ANXA13: variants seen among roughly 807,000 people sequenced by gnomAD.
ANXA13 encodes the protein annexin XIII.
In ANXA13, 36 loss-of-function variants were observed where a neutral mutation model predicts 46.6. The ratio of observed to expected loss-of-function variants is 0.77; its 90% CI spans 0.59 to 1.02. The LOEUF (loss-of-function observed/expected upper bound fraction) is 1.02. Among genes scored for constraint, ANXA13 ranks in the 50% least tolerant of loss-of-function variants. The pLI is 0.00. For missense variants in ANXA13, 417 were observed against 396.5 expected, an observed-to-expected ratio of 1.05 and a Z score of -0.44; for synonymous variants, 163 against 152.9, an observed-to-expected ratio of 1.07 and a Z score of -0.49.
At chr8:123,684,765 T>C in intron 9 of ANXA13, 43 bp from the exon 10 acceptor site, 2 of 1,472,066 alleles carry the variant, frequency 1.4e-6, no homozygotes, top group Non-Finnish European at 1.9e-6. Flanking sequence ...CTTTCACGTT[T>C]TGTGGAATGA....
At position 123,724,521 on chromosome 8, in the gene ANXA13, G is replaced by A. The variant is rs184230985; in HGVS notation, c.16-11768C>T. ...TAGAAACTTCCGCTGTTGATATCCC[G>A]GTAAAGGAGGAAGACAACTTAGAAA... On this transcript the variant is annotated intron_variant, in intron 1 of 10. Coordinates refer to ENST00000419625, the MANE Select transcript of ANXA13 (RefSeq NM_004306.4). Among the ~76,000 whole-genome samples the A allele has an allele frequency of 3.4e-3, 510 of 152,238 alleles. 2 individuals are homozygous for A. The highest frequency in any genetic ancestry group is 5.3e-3 in the Non-Finnish European group (359 of 68,020).
At position 123,710,566 on chromosome 8, in the gene ANXA13, A is replaced by G. The variant is rs1353521349; in HGVS notation, c.91+2112T>C. Among the ~76,000 whole-genome samples the G allele has an allele frequency of 2.6e-5, 4 of 152,164 alleles. No homozygotes were observed. The East Asian group carries it at 7.7e-4, about 29-fold the overall frequency. On this transcript the variant is annotated intron_variant, in intron 2 of 10. Transcript: ENST00000419625. ...CTGTGGACTGACATGGCTCCTACCT[A>G]TTGTTAATGACACTGAGCAATGTCT...
At chr8:123,719,375 G>C (rs1224053186) in intron 1 of ANXA13, among the ~76,000 whole-genome samples, 1 of 151,274 alleles carries the variant, frequency 6.6e-6, no homozygotes, top group East Asian at 1.9e-4. Context: ...TATCTTCCTT[G>C]AACAAACAAG....
At chr8:123,705,169 G>A (rs1358940421) in intron 2 of ANXA13, among the ~76,000 whole-genome samples, 1 of 152,152 alleles carries the variant, frequency 6.6e-6, no homozygotes, top group Admixed American at 6.5e-5. Context: ...AGTCCTGCCT[G>A]TCTCACCTAT....
At position 123,690,970 on chromosome 8, in the gene ANXA13, G is replaced by C. The variant is rs1033346016; in HGVS notation, c.643-2024C>G. 3.9e-5 allele frequency among the ~76,000 whole-genome samples: 6 copies of C among 152,210 alleles called. No homozygotes were observed. The highest frequency in any genetic ancestry group is 8.8e-5 in the Non-Finnish European group (6 of 68,036). ...TATGCATACCTACTGTTTATGCTGA[G>C]CCCTGTTTGGGGACTTTACTTTGGT... On this transcript the variant is annotated intron_variant, in intron 8 of 10. Coordinates refer to ENST00000419625, the MANE Select transcript of ANXA13 (RefSeq NM_004306.4). This position sits in a 1 kb window ranked among gnomAD's most constrained non-coding sequence, Gnocchi z 4.6.
chr8:123,688,844 A>G (rs374587973), intron 9 of ANXA13, 27 bp downstream of exon 9: 13 of 1,608,766 alleles, frequency 8.1e-6, no homozygotes, highest in Non-Finnish European at 1.1e-5. Context: ...CCAACCTAAG[A>G]CAGGAGCTCT....
intron 1 of ANXA13, chr8:123,735,854 T>C (rs1192521859): frequency 1.2e-6 from 2 of 1,611,348 alleles, no homozygotes; most frequent in Non-Finnish European, 1.7e-6. Context: ...GTTGACTGCC[T>C]TCTGAGAGGG....
intron 1 of ANXA13, among the ~76,000 whole-genome samples, chr8:123,714,138 C>A (rs997721717): frequency 2.0e-5 from 3 of 152,182 alleles, no homozygotes; most frequent in Non-Finnish European, 4.4e-5. Context: ...GGGTATGTTG[C>A]CTTTCTCTGC....
At chr8:123,687,951 C>T (rs1563604775) in intron 9 of ANXA13, among the ~76,000 whole-genome samples, 1 of 152,208 alleles carries the variant, frequency 6.6e-6, no homozygotes, top group Non-Finnish European at 1.5e-5. Context: ...ATCTCCCTCA[C>T]CTCTCTTTCC....
intron 3 of ANXA13, among the ~76,000 whole-genome samples, chr8:123,700,849 G>C (rs1308287704): frequency 3.4e-5 from 5 of 148,412 alleles, no homozygotes; most frequent in Non-Finnish European, 7.4e-5. Context: ...TTTCCACAGG[G>C]TCTCTCTCTG....
At chr8:123,722,019 G>T (rs990200297) in intron 1 of ANXA13, among the ~76,000 whole-genome samples, 4 of 152,080 alleles carry the variant, frequency 2.6e-5, no homozygotes, top group Admixed American at 1.3e-4. Flanking sequence ...TAATAGAAAA[G>T]CTGGGCCAGG....
chr8:123,714,676 G>A (rs917725134), intron 1 of ANXA13, among the ~76,000 whole-genome samples: 6 of 152,186 alleles, frequency 3.9e-5, no homozygotes, highest in African/African-American at 1.4e-4. Flanking sequence ...TCCTAGAGCC[G>A]AAAGGAACAT....
intron 2 of ANXA13, 113 bp from the exon 3 acceptor site, chr8:123,702,849 T>C: frequency 1.1e-6 from 1 of 913,410 alleles, no homozygotes; most frequent in Non-Finnish European, 1.8e-6. Flanking sequence ...GTTGGAGGTG[T>C]CTATGGAACC....
At position 123,680,924 on chromosome 8, in the gene ANXA13, C is replaced by T; in HGVS notation, c.*316G>A. On this transcript the variant is annotated 3_prime_UTR_variant, in exon 11 of 11. Transcript: ENST00000419625. Reference sequence around the variant, plus strand: ...TGTGATGCATATCCTTCTAAATGTGCCATTACAAATGCATAGTTTTTTCAT... The same window carrying T: ...TGTGATGCATATCCTTCTAAATGTGTCATTACAAATGCATAGTTTTTTCAT... 4.0e-6 allele frequency: 1 copy of T among 247,262 alleles called. No individual in the cohort carries two copies. Among genetic ancestry groups the T allele is most frequent in the Non-Finnish European group, 7.8e-6 (1 of 128,592 alleles). 15.3% of individuals were successfully genotyped at this position (247,262 alleles called of 1,614,324 possible). A position where few individuals can be genotyped will look rare whatever the true frequency, so the allele number is the denominator to read the frequency against.
intron 9 of ANXA13, among the ~76,000 whole-genome samples, chr8:123,688,248 C>T (rs531216127): frequency 5.3e-5 from 8 of 152,222 alleles, no homozygotes; most frequent in African/African-American, 1.9e-4. Context: ...ATAAGTTTCA[C>T]GAGATTTGAT....
At position 123,681,261 on chromosome 8, in the gene ANXA13, CAGTTTCCGGA is replaced by C; in HGVS notation, c.920_929del (p.Phe307CysfsTer2). 6.2e-7 allele frequency: 1 copy of C among 1,613,904 alleles called. No individual in the cohort carries two copies. The highest frequency in any genetic ancestry group is 8.5e-7 in the Non-Finnish European group (1 of 1,179,876). ...TGGCTCAGTGCAAGAGGGCTACTAG[CAGTTTCCGGA>C]AGTCCCCGGAGGTATCTGAGCGAAC... On this transcript the variant is annotated frameshift_variant, in exon 11 of 11. Transcript: ENST00000419625. LOFTEE classifies it high-confidence loss of function.
At chr8:123,731,009 G>T (rs975426744) in intron 1 of ANXA13, among the ~76,000 whole-genome samples, 1 of 152,208 alleles carries the variant, frequency 6.6e-6, no homozygotes, top group Non-Finnish European at 1.5e-5. Context: ...CATAGTCAAT[G>T]CTGAGGCACA....
At chr8:123,732,051 G>C (rs1419134885) in intron 1 of ANXA13, among the ~76,000 whole-genome samples, 2 of 152,156 alleles carry the variant, frequency 1.3e-5, no homozygotes, top group Admixed American at 6.5e-5. Context: ...TGATGATTCA[G>C]TTCAACAGTT....
At chr8:123,699,467 C>T (rs1050032404) in intron 3 of ANXA13, among the ~76,000 whole-genome samples, 2 of 152,226 alleles carry the variant, frequency 1.3e-5, no homozygotes, top group African/African-American at 4.8e-5. Context: ...TAGGCGTGAG[C>T]CACCATGACC....
Sources: allele counts gnomAD v4.1 joint callset (sites outside exome capture counted in the v4.1 genomes callset), GRCh38; gene constraint gnomAD v4.1.1; non-coding constraint Gnocchi (gnomAD v3.1); transcripts MANE v1.5; gene names NCBI Gene and HGNC (gene_info 2026-07-23, HGNC 2026-07-21).